The following PLCL1 variants were observed in gnomAD, a reference collection of about 807,000 sequenced individuals.
The protein encoded by PLCL1 is phospholipase C like 1 (inactive).
In PLCL1, 41 loss-of-function variants were observed where a neutral mutation model predicts 84.4. That is an observed-to-expected ratio of 0.49 (90% CI 0.38 to 0.63). The LOEUF (loss-of-function observed/expected upper bound fraction) is 0.63, where lower values mean the gene tolerates loss of function less well. Among genes scored for constraint, PLCL1 ranks in the 30% least tolerant of loss-of-function variants. The pLI is 0.00. For synonymous variants in PLCL1, 490 were observed against 488.3 expected (o/e 1.00, Z -0.05); for missense variants, 1,206 against 1,367.8 (o/e 0.88, Z 1.87).
chr2:197,815,269 CA>C (rs1252260571), intron 1 of PLCL1, among the ~76,000 whole-genome samples: 1 of 152,086 alleles, frequency 6.6e-6, no homozygotes, highest in African/African-American at 2.4e-5. Context: ...TGAATTATGC[CA>C]AATCTACTCT....
intron 1 of PLCL1, among the ~76,000 whole-genome samples, chr2:197,956,939 T>A (rs1169610065): frequency 6.6e-6 from 1 of 152,154 alleles, no homozygotes; most frequent in Non-Finnish European, 1.5e-5. Flanking sequence ...ATCCCATTTA[T>A]CAATTTTGGC....
At chr2:198,010,534 A>C (rs991071426) in intron 1 of PLCL1, among the ~76,000 whole-genome samples, 1 of 151,852 alleles carries the variant, frequency 6.6e-6, no homozygotes, top group African/African-American at 2.4e-5. Context: ...GGTGTGATCA[A>C]CGTGTGCTTG....
Position 197,805,099 on chromosome 2 carries a change from C to A in PLCL1, c.-1C>A. On this transcript the variant is annotated 5_prime_UTR_variant, in exon 1 of 6. Transcript: ENST00000428675. The surrounding 1 kb of genome is among the most constrained non-coding windows in gnomAD (Gnocchi z 4.0). ...CCGGGGAGCCCTAAACGCTCCAGGC[C>A]ATGGCCGAGGGCGCGGCCGGCAGGG... 1 of 1,353,866 alleles carries A rather than the reference C, an allele frequency of 7.4e-7. No homozygotes were observed. The highest frequency in any genetic ancestry group is 9.4e-7 in the Non-Finnish European group (1 of 1,058,320). 83.9% of individuals were successfully genotyped at this position (1,353,866 alleles called of 1,614,324 possible).
At chr2:198,066,341 G>A (rs1364490822) in intron 1 of PLCL1, among the ~76,000 whole-genome samples, 4 of 152,068 alleles carry the variant, frequency 2.6e-5, no homozygotes, top group African/African-American at 9.7e-5. Flanking sequence ...TTACAAATCT[G>A]TTCCTTCTAT....
At chr2:197,965,249 A>G (rs570793178) in intron 1 of PLCL1, among the ~76,000 whole-genome samples, 2 of 152,090 alleles carry the variant, frequency 1.3e-5, no homozygotes, top group East Asian at 3.9e-4. Flanking sequence ...CTTGTTACTA[A>G]TCTCTTCAGG....
intron 1 of PLCL1, among the ~76,000 whole-genome samples, chr2:198,062,438 T>C (rs773176339): frequency 3.8e-4 from 58 of 152,324 alleles, no homozygotes; most frequent in Non-Finnish European, 5.6e-4. Context: ...CAATTATATA[T>C]ACTTCTCTAG....
intron 1 of PLCL1, among the ~76,000 whole-genome samples, chr2:197,905,342 C>T (rs542707945): frequency 1.6e-4 from 24 of 152,212 alleles, no homozygotes; most frequent in Non-Finnish European, 3.1e-4. Flanking sequence ...TGAGAACACG[C>T]AGTGTTCAGT....
chr2:198,016,473 A>G (rs1198855203), intron 1 of PLCL1, among the ~76,000 whole-genome samples: 2 of 152,308 alleles, frequency 1.3e-5, no homozygotes, highest in East Asian at 3.9e-4. Flanking sequence ...CTGTAAGCAC[A>G]GTGGCTGCAG....
intron 1 of PLCL1, among the ~76,000 whole-genome samples, chr2:197,829,469 A>T (rs980146769): frequency 2.0e-5 from 3 of 152,190 alleles, no homozygotes; most frequent in African/African-American, 4.8e-5. Context: ...ATGCATCGTT[A>T]AAATTATTAA....
chr2:197,974,719 T>C lies in PLCL1; in HGVS notation c.241-109039T>C, dbSNP rs564583326. On this transcript the variant is annotated intron_variant, in intron 1 of 5. Coordinates refer to ENST00000428675, the MANE Select transcript of PLCL1 (RefSeq NM_006226.4). ...CATTGCTAAGCTCATGGCTTTATTC[T>C]GTAATGGTATTGTGTACTTTGGGAA... Among the ~76,000 whole-genome samples, 11 of 152,370 alleles carry C rather than the reference T, an allele frequency of 7.2e-5. No homozygotes were observed. In the South Asian group the frequency reaches 2.3e-3, roughly 32 times the overall value.
At chr2:197,810,800 A>G (rs1690569919) in intron 1 of PLCL1, among the ~76,000 whole-genome samples, 1 of 152,188 alleles carries the variant, frequency 6.6e-6, no homozygotes, top group African/African-American at 2.4e-5. Flanking sequence ...AGCTTTAATA[A>G]CTGTGAATAT....
chr2:198,108,169 G>C (rs1693534294), intron 5 of PLCL1, among the ~76,000 whole-genome samples: 1 of 151,820 alleles, frequency 6.6e-6, no homozygotes, highest in African/African-American at 2.4e-5. Context: ...TTTAATAAAT[G>C]CTCTTTGTTT....
At chr2:198,024,402 T>C (rs562821164) in intron 1 of PLCL1, among the ~76,000 whole-genome samples, 1 of 144,750 alleles carries the variant, frequency 6.9e-6, no homozygotes, top group Non-Finnish European at 1.5e-5. Flanking sequence ...TATAATAATT[T>C]AAAAAAAGGA....
intron 1 of PLCL1, among the ~76,000 whole-genome samples, chr2:197,942,498 CT>C (rs1689178441): frequency 6.6e-6 from 1 of 152,144 alleles, no homozygotes; most frequent in African/African-American, 2.4e-5. Flanking sequence ...TAATTTCCCC[CT>C]GTAATTATGA....
At chr2:198,015,984 GTTGGAAAACAT>G (rs1216840290) in intron 1 of PLCL1, among the ~76,000 whole-genome samples, 1 of 152,160 alleles carries the variant, frequency 6.6e-6, no homozygotes, top group Non-Finnish European at 1.5e-5. Flanking sequence ...GATTGTATAT[GTTGGAAAACAT>G]TTTTGTAAAA....
chr2:198,070,005 G>C (rs537053749), intron 1 of PLCL1, among the ~76,000 whole-genome samples: 1 of 152,242 alleles, frequency 6.6e-6, no homozygotes, highest in South Asian at 2.1e-4. Context: ...TGTGTTGCGG[G>C]GCGGAATGCA....
At chr2:197,982,480 C>T (rs1690128687) in intron 1 of PLCL1, among the ~76,000 whole-genome samples, 1 of 152,090 alleles carries the variant, frequency 6.6e-6, no homozygotes, top group South Asian at 2.1e-4. Flanking sequence ...TTTTCTGTTT[C>T]CCGATCTCTT....
chr2:198,012,313 G>A (rs1481686947), intron 1 of PLCL1, among the ~76,000 whole-genome samples: 1 of 152,152 alleles, frequency 6.6e-6, no homozygotes, highest in African/African-American at 2.4e-5. Context: ...AGCCCAAGCT[G>A]TTTCAGATAC....
At chr2:197,822,911 TC>T (rs1193506393) in intron 1 of PLCL1, among the ~76,000 whole-genome samples, 2 of 152,138 alleles carry the variant, frequency 1.3e-5, no homozygotes, top group Admixed American at 6.6e-5. Flanking sequence ...GACACTATGC[TC>T]CTGAATTTGA....
Sources: gnomAD v4.1 joint callset for allele counts (sites outside exome capture counted in the v4.1 genomes callset) on GRCh38, gnomAD v4.1.1 for gene constraint, Gnocchi (gnomAD v3.1) non-coding constraint, MANE v1.5 for transcripts, NCBI Gene and HGNC (gene_info 2026-07-23, HGNC 2026-07-21) for gene names.